Variants in ADGRL2 observed in about 807,000 individuals in gnomAD.
The protein encoded by ADGRL2 is calcium-independent alpha-latrotoxin receptor 2.
In ADGRL2, 44 loss-of-function variants were observed where a neutral mutation model predicts 157.4. The observed-to-expected ratio is 0.28, with a 90% CI of 0.22 to 0.36. The LOEUF is 0.36. ADGRL2 is among the 10% of genes least tolerant of loss of function. ADGRL2 has a pLI of 1.00. For missense variants in ADGRL2, 1,510 were observed against 1,768.9 expected (o/e 0.85, Z 2.63); for synonymous variants, 585 against 624.7 (o/e 0.94, Z 0.95).
chr1:81,435,184 C>T (rs2101640536), intron 1 of ADGRL2, among the ~76,000 whole-genome samples: 1 of 152,274 alleles, frequency 6.6e-6, no homozygotes, highest in East Asian at 1.9e-4. Flanking sequence ...AATAACTCAA[C>T]ATTCAATCTG....
chr1:81,354,348 T>A (rs952287604), intron 1 of ADGRL2, among the ~76,000 whole-genome samples: 1 of 152,224 alleles, frequency 6.6e-6, no homozygotes, highest in African/African-American at 2.4e-5. Flanking sequence ...GAATTCCTAA[T>A]CGGATTCTAA....
intron 3 of ADGRL2, among the ~76,000 whole-genome samples, chr1:81,647,337 C>T (rs1009293304): frequency 2.0e-5 from 3 of 152,110 alleles, no homozygotes; most frequent in African/African-American, 7.2e-5. Context: ...CCATAATTAT[C>T]AACACAGATT....
intron 3 of ADGRL2, among the ~76,000 whole-genome samples, chr1:81,911,349 T>C (rs940160432): frequency 3.3e-5 from 5 of 152,158 alleles, no homozygotes; most frequent in African/African-American, 1.2e-4. Flanking sequence ...ATAAAAGTTA[T>C]AACACTTTGA....
chr1:81,798,842 T>A (rs2087721981), upstream of ADGRL2, among the ~76,000 whole-genome samples: 1 of 152,178 alleles, frequency 6.6e-6, no homozygotes, highest in Admixed American at 6.5e-5. Context: ...GCTCACTAAA[T>A]AAAAACTTCA....
chr1:81,503,480 C>G, intron 2 of ADGRL2: 2 of 1,610,650 alleles, frequency 1.2e-6, no homozygotes, highest in Non-Finnish European at 1.7e-6. Context: ...TGGGCAGGAC[C>G]CAGCTTTCCA....
chr1:81,313,705 C>T (rs919939478), intron 1 of ADGRL2, among the ~76,000 whole-genome samples: 60 of 152,138 alleles, frequency 3.9e-4, no homozygotes, highest in African/African-American at 1.4e-3. Flanking sequence ...GAGAGGAGAG[C>T]ACAGAGCACA....
rs185205826 is a variant in ADGRL2, at chr1:81,924,579, A to G, written c.288-12149A>G. ...ATTCCTCTAGCCTGTGGTGTTAGTA[A>G]GTCAATCAGATTCTCTGGGCCTTAG... On this transcript the variant is annotated intron_variant, in intron 3 of 23. Transcript: ENST00000686636. Among the ~76,000 whole-genome samples, 5 of 152,226 alleles carry G rather than the reference A, an allele frequency of 3.3e-5. No individual in the cohort carries two copies. The East Asian group carries it at 9.7e-4, about 29-fold the overall frequency.
chr1:81,692,445 C>A (rs1270052537), intron 3 of ADGRL2, among the ~76,000 whole-genome samples: 3 of 152,154 alleles, frequency 2.0e-5, no homozygotes, highest in Non-Finnish European at 4.4e-5. Flanking sequence ...CTTGACCCCG[C>A]AGTGTTAAGC....
chr1:81,333,758 T>C (rs934462657), intron 1 of ADGRL2, among the ~76,000 whole-genome samples: 2 of 69,370 alleles, frequency 2.9e-5, no homozygotes, highest in Non-Finnish European at 6.1e-5. Flanking sequence ...GGGGGTTCCC[T>C]AAGCAAAAAA....
At chr1:81,577,180 G>A in intron 2 of ADGRL2, among the ~76,000 whole-genome samples, 1 of 152,242 alleles carries the variant, frequency 6.6e-6, no homozygotes, top group Non-Finnish European at 1.5e-5. Flanking sequence ...CTGGGGGACA[G>A]GCACTATCTC....
At chr1:81,432,352 T>C (rs2077336846) in intron 1 of ADGRL2, among the ~76,000 whole-genome samples, 1 of 152,232 alleles carries the variant, frequency 6.6e-6, no homozygotes, top group Admixed American at 6.5e-5. Flanking sequence ...CAGCAAGCTG[T>C]CTTGATGTTT....
intron 2 of ADGRL2, among the ~76,000 whole-genome samples, chr1:81,576,719 T>A (rs1557476273): frequency 6.6e-6 from 1 of 152,174 alleles, no homozygotes; most frequent in Non-Finnish European, 1.5e-5. Context: ...TCTTCTTAAC[T>A]AAAAATTTCA....
chr1:81,397,963 C>A (rs1045930835), intron 1 of ADGRL2, among the ~76,000 whole-genome samples: 3 of 152,160 alleles, frequency 2.0e-5, no homozygotes, highest in South Asian at 2.1e-4. Flanking sequence ...TCCCTTTAAG[C>A]TAATAACATT....
chr1:81,814,623 A>G (rs1477646172), intron 1 of ADGRL2, among the ~76,000 whole-genome samples: 2 of 151,486 alleles, frequency 1.3e-5, no homozygotes, highest in African/African-American at 4.8e-5. Context: ...CCCAGGATTT[A>G]GAAATTAATA....
chr1:81,828,720 A>T (rs985971922), intron 1 of ADGRL2, among the ~76,000 whole-genome samples: 11 of 152,296 alleles, frequency 7.2e-5, no homozygotes, highest in Middle Eastern at 3.4e-3. Flanking sequence ...TAAAAACCAC[A>T]TACCTCTCCT....
chr1:81,307,982 G>GCACGTAGA, intron 1 of ADGRL2, among the ~76,000 whole-genome samples: 1 of 152,104 alleles, frequency 6.6e-6, no homozygotes, highest in Non-Finnish European at 1.5e-5. Flanking sequence ...TTAGGTTACT[G>GCACGTAGA]CACGTAGAAT....
At chr1:81,868,356 C>T (rs1200573840) in intron 2 of ADGRL2, among the ~76,000 whole-genome samples, 4 of 151,908 alleles carry the variant, frequency 2.6e-5, no homozygotes, top group African/African-American at 9.7e-5. Context: ...TCCATTTATT[C>T]CCCATAGCTT....
intron 2 of ADGRL2, among the ~76,000 whole-genome samples, chr1:81,511,034 G>T (rs932818061): frequency 7.9e-5 from 12 of 152,038 alleles, no homozygotes; most frequent in Admixed American, 6.6e-4. Flanking sequence ...GGAAAACAAA[G>T]ACTATAATAT....
rs754881815 is a variant in ADGRL2, at chr1:81,339,260, C to T, written c.-302+32751C>T. Among the ~76,000 whole-genome samples the T allele has an allele frequency of 2.0e-5, 3 of 152,188 alleles. No individual in the cohort carries two copies. The South Asian group carries it at 6.2e-4, about 32-fold the overall frequency. On this transcript the variant is annotated intron_variant, in intron 1 of 24. Transcript: ENST00000370721. ...TAGGACATCGTCATAATTAAGGAAA[C>T]AGCTTAAGGTTAGAATTAATTAATT...
Sources: gnomAD v4.1 joint callset for allele counts (sites outside exome capture counted in the v4.1 genomes callset) on GRCh38, gnomAD v4.1.1 for gene constraint, MANE v1.5 for transcripts, NCBI Gene and HGNC (gene_info 2026-07-23, HGNC 2026-07-21) for gene names.